Variants in ATP6V1A observed in about 807,000 individuals in gnomAD.
ATP6V1A encodes V-type proton ATPase catalytic subunit A.
Under a neutral mutation model 70.1 loss-of-function variants are expected in ATP6V1A, and 18 were observed. The ratio of observed to expected loss-of-function variants is 0.26; its 90% CI spans 0.18 to 0.38. The LOEUF (loss-of-function observed/expected upper bound fraction) is 0.38, where lower values mean the gene tolerates loss of function less well. ATP6V1A is among the 10% of genes least tolerant of loss of function. The pLI is 1.00. For missense variants in ATP6V1A, 424 were observed against 772.4 expected, an observed-to-expected ratio of 0.55 and a Z score of 5.35; for synonymous variants, 232 against 253.8, an observed-to-expected ratio of 0.91 and a Z score of 0.82.
chr3:113,802,258 G>A (rs1709221649), intron 12 of ATP6V1A, among the ~76,000 whole-genome samples: 1 of 152,152 alleles, frequency 6.6e-6, no homozygotes, highest in East Asian at 1.9e-4. Context: ...ACAAGACTGA[G>A]AATTCAAATA....
chr3:113,748,827 T>A (rs1210888386), intron 1 of ATP6V1A, among the ~76,000 whole-genome samples: 1 of 152,230 alleles, frequency 6.6e-6, no homozygotes, highest in African/African-American at 2.4e-5. Context: ...GACTAATGTA[T>A]TGATATATTT....
rs573918885 is a variant in ATP6V1A at position 113,795,048 on chromosome 3, T to C, written c.1112-42T>C. On this transcript the variant is annotated intron_variant, in intron 9 of 14. Coordinates refer to ENST00000273398, the MANE Select transcript of ATP6V1A (RefSeq NM_001690.4). ...ACAAGACTGATGGGATTTTCGGGGC[T>C]GGCTTAGAAACTCTGTTTTAAAATT... The C allele has an allele frequency of 2.9e-5, 46 of 1,613,480 alleles. No homozygotes were observed. In the African/African-American group the frequency reaches 3.3e-4, roughly 12 times the overall value.
chr3:113,788,992 T>A, intron 7 of ATP6V1A, 117 bp downstream of exon 7: 2 of 886,634 alleles, frequency 2.3e-6, no homozygotes, highest in Non-Finnish European at 3.4e-6. Flanking sequence ...CAAGGATCTT[T>A]AAGGAATTTT....
chr3:113,791,176 G>C (rs979498344), intron 8 of ATP6V1A, among the ~76,000 whole-genome samples: 1 of 151,990 alleles, frequency 6.6e-6, no homozygotes, highest in African/African-American at 2.4e-5. Context: ...AGACATGTTA[G>C]GTTTTTGTTA....
At chr3:113,786,886 C>G (rs1709045703) in intron 6 of ATP6V1A, among the ~76,000 whole-genome samples, 1 of 152,032 alleles carries the variant, frequency 6.6e-6, no homozygotes, top group African/African-American at 2.4e-5. Flanking sequence ...AGCAATCCTC[C>G]TCCTGCCTCA....
At chr3:113,780,750 T>C in intron 2 of ATP6V1A, 2 of 1,303,702 alleles carry the variant, frequency 1.5e-6, no homozygotes, top group Non-Finnish European at 2.0e-6. Context: ...CCATGTATCA[T>C]AGCAACTCTC....
intron 7 of ATP6V1A, among the ~76,000 whole-genome samples, 161 bp downstream of exon 7, chr3:113,789,036 G>T (rs1709066126): frequency 6.6e-6 from 1 of 152,144 alleles, no homozygotes; most frequent in Admixed American, 6.6e-5. Context: ...GTATATTCAA[G>T]AAAAGGAATT....
rs953128478 is a variant in ATP6V1A at position 113,751,283 on chromosome 3, T to G, written c.-14+4170T>G. ...AATGGAGACATAAACTAGAGTAAAA[T>G]TCTTCCCTTCTTAAATTCATGATTC... On this transcript the variant is annotated intron_variant, in intron 1 of 14. Coordinates refer to ENST00000273398, the MANE Select transcript of ATP6V1A (RefSeq NM_001690.4). Among the ~76,000 whole-genome samples, 4 of 152,034 alleles carry G rather than the reference T, an allele frequency of 2.6e-5. No individual in the cohort carries two copies. In the East Asian group the frequency reaches 7.7e-4, roughly 29 times the overall value.
intron 12 of ATP6V1A, among the ~76,000 whole-genome samples, chr3:113,800,308 T>G (rs1709197393): frequency 6.6e-6 from 1 of 152,082 alleles, no homozygotes; most frequent in Admixed American, 6.6e-5. Context: ...TCATTTGATT[T>G]CACCAAGATT....
chr3:113,775,489 C>T (rs774998294), intron 1 of ATP6V1A, among the ~76,000 whole-genome samples: 1 of 152,160 alleles, frequency 6.6e-6, no homozygotes. Context: ...CTCGGCCCCC[C>T]CAAGTGCTGG....
At chr3:113,769,480 G>A (rs182394155) in intron 1 of ATP6V1A, among the ~76,000 whole-genome samples, 3 of 152,174 alleles carry the variant, frequency 2.0e-5, no homozygotes, top group South Asian at 4.1e-4. Flanking sequence ...TATCAATGAA[G>A]TGCCCCAGGA....
chr3:113,765,248 AGTTG>A (rs750403511), intron 1 of ATP6V1A, among the ~76,000 whole-genome samples: 13 of 152,038 alleles, frequency 8.6e-5, no homozygotes, highest in Non-Finnish European at 1.5e-4. Context: ...TAATATAGTT[AGTTG>A]GTTATGTTTG....
Position 113,809,542 on chromosome 3 carries a change from A to G in ATP6V1A, c.*115A>G, listed in dbSNP as rs1709317258. On this transcript the variant is annotated 3_prime_UTR_variant, in exon 15 of 15. Transcript: ENST00000273398. ...TTCTTTATTGTGCAGCTTTGAGACT[A>G]GTGCCTATGTGTGTTATTTGTTTCC... 2 of 847,194 alleles carry G rather than the reference A, an allele frequency of 2.4e-6. No individual in the cohort carries two copies. Among genetic ancestry groups the G allele is most frequent in the Non-Finnish European group, 1.8e-6 (1 of 543,072 alleles). 52.5% of individuals were successfully genotyped at this position (847,194 alleles called of 1,614,324 possible).
At chr3:113,750,448 C>CTCCA (rs1708573367) in intron 1 of ATP6V1A, among the ~76,000 whole-genome samples, 1 of 152,142 alleles carries the variant, frequency 6.6e-6, no homozygotes, top group Non-Finnish European at 1.5e-5. Context: ...CACCACTGCG[C>CTCCA]TCCAGCCTGG....
chr3:113,755,431 CAAAAAA>C (rs1184456240), intron 1 of ATP6V1A, among the ~76,000 whole-genome samples: 1 of 38,046 alleles, frequency 2.6e-5, no homozygotes, highest in Non-Finnish European at 6.2e-5. Flanking sequence ...CATGTCTGTA[CAAAAAA>C]AAAAAAAAAA....
intron 13 of ATP6V1A, among the ~76,000 whole-genome samples, chr3:113,804,231 A>G (rs1709250819): frequency 6.6e-6 from 1 of 151,480 alleles, no homozygotes; most frequent in South Asian, 2.1e-4. Context: ...GGGCTCAAGC[A>G]GTCCACCCAC....
chr3:113,788,967 A>G, intron 7 of ATP6V1A, 92 bp downstream of exon 7: 1 of 1,129,466 alleles, frequency 8.9e-7, no homozygotes, highest in South Asian at 1.4e-5. Flanking sequence ...GGTCTGGAGC[A>G]ATGCTGTCAT....
At chr3:113,771,276 A>G (rs1169571022) in intron 1 of ATP6V1A, among the ~76,000 whole-genome samples, 3 of 152,170 alleles carry the variant, frequency 2.0e-5, no homozygotes, top group Non-Finnish European at 2.9e-5. Context: ...ACAGATAATA[A>G]AGAAGAGTTA....
Position 113,795,859 on chromosome 3 carries a change from AT to A in ATP6V1A, c.1227-9del, listed in dbSNP as rs768613444. ...TGACCATTTTTTTTGTAATGACCAT[AT>A]TTTTTTTAAATTTAGAGTTTCTCCA... On this transcript the variant is annotated splice_polypyrimidine_tract_variant and intron_variant, in intron 10 of 14. Coordinates refer to ENST00000273398, the MANE Select transcript of ATP6V1A (RefSeq NM_001690.4). 60 of 1,592,340 alleles carry A rather than the reference AT, an allele frequency of 3.8e-5. No homozygotes were observed. The highest frequency in any genetic ancestry group is 6.8e-5 in the South Asian group (6 of 88,160).
Sources: allele counts gnomAD v4.1 joint callset (sites outside exome capture counted in the v4.1 genomes callset), GRCh38; gene constraint gnomAD v4.1.1; transcripts MANE v1.5; gene names NCBI Gene and HGNC (gene_info 2026-07-23, HGNC 2026-07-21).